Variants in CLEC3A observed in about 807,000 individuals in gnomAD.
CLEC3A encodes the protein C-type (calcium dependent, carbohydrate-recognition domain) lectin, superfamily member 1 (cartilage-derived).
Under a neutral mutation model 20.4 loss-of-function variants are expected in CLEC3A, and 28 were observed. That is an observed-to-expected ratio of 1.37 (90% CI 1.02 to 1.88). The LOEUF is 1.88. Among genes scored for constraint, CLEC3A ranks in the 40% most tolerant of loss-of-function variants. CLEC3A has a pLI of 0.00. For missense variants in CLEC3A, 357 were observed against 240.4 expected (o/e 1.48, Z -3.21); for synonymous variants, 110 against 88.1 (o/e 1.25, Z -1.39).
chr16:78,023,070 A>T (rs1439151596), intron 1 of CLEC3A, among the ~76,000 whole-genome samples: 1 of 152,252 alleles, frequency 6.6e-6, no homozygotes, highest in Non-Finnish European at 1.5e-5. Context: ...ATCTGGTGTT[A>T]TTAATATGGG....
intron 2 of CLEC3A, among the ~76,000 whole-genome samples, chr16:78,030,125 C>T (rs958425479): frequency 2.9e-5 from 4 of 136,386 alleles, no homozygotes; most frequent in African/African-American, 1.1e-4. Flanking sequence ...TGCACTCCAG[C>T]CTGGGCGACA....
chr16:78,022,739 G>C lies in CLEC3A; in HGVS notation c.113G>C (p.Arg38Thr), dbSNP rs1288217734. 6.2e-7 allele frequency: 1 copy of C among 1,614,032 alleles called. No homozygotes were observed. Among genetic ancestry groups the C allele is most frequent in the Non-Finnish European group, 8.5e-7 (1 of 1,180,020 alleles). Residue 38 changes from arginine to threonine, a missense_variant and splice_region_variant, in exon 1 of 3, where the codon AGA becomes ACA. Coordinates refer to ENST00000299642, the MANE Select transcript of CLEC3A (RefSeq NM_005752.6). Reference protein sequence around the residue: ...KARKHSKRRVRDKDGDLKTQI... With the variant: ...KARKHSKRRVTDKDGDLKTQI... ...AGGAAGCACAGCAAACGTCGAGTGA[G>C]AGGTAATGGGGCTTCTCAATCAAGC...
intron 2 of CLEC3A, among the ~76,000 whole-genome samples, chr16:78,030,183 T>A (rs1452637870): frequency 6.6e-6 from 1 of 150,754 alleles, no homozygotes; most frequent in Non-Finnish European, 1.5e-5. Flanking sequence ...GCTAAGGTGT[T>A]ACAAGTAACA....
Position 78,030,708 on chromosome 16 carries a change from G to T in CLEC3A, c.461G>T (p.Trp154Leu). ...GGAATCGCTATCTCCTTCCTCAACT[G>T]GGACCGTGCACAGCCTAACGGTGGC... ...VNGIAISFLN[W>L]DRAQPNGGKR... The change falls in exon 3 of 3, where the codon TGG becomes TTG. Residue 154 changes from tryptophan (W) to leucine (L), a missense_variant. Trp to Leu is a moderately conservative substitution (Grantham distance 61). Coordinates refer to ENST00000299642, the MANE Select transcript of CLEC3A (RefSeq NM_005752.6). 6.2e-7 allele frequency: 1 copy of T among 1,614,126 alleles called. No homozygotes were observed. The highest frequency in any genetic ancestry group is 8.5e-7 in the Non-Finnish European group (1 of 1,180,020).
intron 2 of CLEC3A, among the ~76,000 whole-genome samples, 175 bp from the exon 3 acceptor site, chr16:78,030,272 T>C (rs1017719088): frequency 6.6e-6 from 1 of 152,094 alleles, no homozygotes; most frequent in Admixed American, 6.5e-5. Context: ...CAGGATTATG[T>C]AACTTAATTT....
intron 2 of CLEC3A, among the ~76,000 whole-genome samples, chr16:78,028,398 AT>A (rs899854332): frequency 9.9e-5 from 15 of 152,260 alleles, no homozygotes; most frequent in African/African-American, 3.1e-4. Context: ...AGAAATAAAA[AT>A]AAGTAGTTCA....
Position 78,022,591 on chromosome 16 carries a change from G to T in CLEC3A, c.-36G>T, listed in dbSNP as rs758473360. 1 of 1,610,604 alleles carries T rather than the reference G, an allele frequency of 6.2e-7. No individual in the cohort carries two copies. Among genetic ancestry groups the T allele is most frequent in the East Asian group, 2.2e-5 (1 of 44,706 alleles). On this transcript the variant is annotated 5_prime_UTR_variant, in exon 1 of 3. Coordinates refer to ENST00000299642, the MANE Select transcript of CLEC3A (RefSeq NM_005752.6). ...CTCCTTCCATAGCTGCTCTAAGGGG[G>T]CTGGCAACATGGCTCAGCAGGCTTG...
At position 78,028,206 on chromosome 16, in the gene CLEC3A, T is replaced by A; in HGVS notation, c.199+16T>A. 2.6e-6 allele frequency: 4 copies of A among 1,553,668 alleles called. No individual in the cohort carries two copies. The highest frequency in any genetic ancestry group is 1.2e-5 in the South Asian group (1 of 82,520). On this transcript the variant is annotated intron_variant, in intron 2 of 2. Coordinates refer to ENST00000299642, the MANE Select transcript of CLEC3A (RefSeq NM_005752.6). ...CTGCAGACAGGTAAGGTGCAGACCT[T>A]CTCAGTGCCTTGTCCCAAAGGAGAC...
intron 1 of CLEC3A, among the ~76,000 whole-genome samples, chr16:78,024,921 G>A (rs1329875441): frequency 6.6e-6 from 1 of 152,100 alleles, no homozygotes; most frequent in African/African-American, 2.4e-5. Context: ...CTACCCACCA[G>A]GTTCAAACAA....
rs1048519370 is a variant in CLEC3A at position 78,031,713 on chromosome 16, A to C, written c.*872A>C. 1 of 151,834 alleles carries C rather than the reference A, an allele frequency of 6.6e-6. No homozygotes were observed. Among genetic ancestry groups the C allele is most frequent in the Non-Finnish European group, 1.5e-5 (1 of 67,960 alleles). 9.4% of individuals were successfully genotyped at this position (151,834 alleles called of 1,614,324 possible). A position where few individuals can be genotyped will look rare whatever the true frequency, so the allele number is the denominator to read the frequency against. ...TCCTTTTTTACATTTTCGTATACTT[A>C]TTTTTTTTAGCCATCATTATATGTT... On this transcript the variant is annotated 3_prime_UTR_variant, in exon 3 of 3. Transcript: ENST00000299642.
chr16:78,025,635 A>T (rs1252418390), intron 1 of CLEC3A, among the ~76,000 whole-genome samples: 1 of 152,236 alleles, frequency 6.6e-6, no homozygotes, highest in African/African-American at 2.4e-5. Flanking sequence ...GGGGACTCAA[A>T]ATAGCAACCG....
chr16:78,028,236 AAATTTCTGGGTC>A, intron 2 of CLEC3A, 46 bp downstream of exon 2: 1 of 1,409,850 alleles, frequency 7.1e-7, no homozygotes, highest in Non-Finnish European at 9.6e-7. Flanking sequence ...GGAGACAGGA[AAATTTCTGGGTC>A]AATTTCTGGG....
chr16:78,030,549 T>C lies in CLEC3A; in HGVS notation c.302T>C (p.Ile101Thr). ...ANEDCISKGG[I>T]LVIPRNSDEI... is the part of the protein sequence containing the mutation. ...GAAGACTGCATTTCCAAAGGAGGAA[T>C]CCTGGTTATCCCCAGGAACTCCGAC... Residue 101 changes from isoleucine (I) to threonine (T), a missense_variant, in exon 3 of 3, where the codon ATC becomes ACC. Coordinates refer to ENST00000299642, the MANE Select transcript of CLEC3A (RefSeq NM_005752.6). The C allele has an allele frequency of 6.2e-7, 1 of 1,614,170 alleles. No homozygotes were observed. Among genetic ancestry groups the C allele is most frequent in the South Asian group, 1.1e-5 (1 of 91,076 alleles).
chr16:78,030,472 C>T lies in CLEC3A; in HGVS notation c.225C>T (p.His75=), dbSNP rs1026080287. 6.2e-7 allele frequency: 1 copy of T among 1,609,082 alleles called. No homozygotes were observed. Among genetic ancestry groups the T allele is most frequent in the Non-Finnish European group, 8.5e-7 (1 of 1,177,078 alleles). Residue 75 remains histidine, a synonymous_variant, in exon 3 of 3, where the codon CAC becomes CAT. Transcript: ENST00000299642. Reference sequence around the variant, plus strand: ...TCTGTCTCCGAGGCACTAAAGTTCACAAGAAATGCTACCTTGCTTCAGAAG... The same window carrying T: ...TCTGTCTCCGAGGCACTAAAGTTCATAAGAAATGCTACCTTGCTTCAGAAG... The part of the protein sequence containing the change: ...QTVCLRGTKV[H]KKCYLASEGL...
intron 1 of CLEC3A, among the ~76,000 whole-genome samples, 153 bp from the exon 2 acceptor site, chr16:78,027,954 C>A (rs2072662): frequency 3.3e-5 from 5 of 152,074 alleles, no homozygotes; most frequent in Non-Finnish European, 7.4e-5. Context: ...CTTCGCCAGC[C>A]CCAAGTTATT....
At position 78,022,598 on chromosome 16, in the gene CLEC3A, A is replaced by G. The variant is rs752135483; in HGVS notation, c.-29A>G. 15 of 1,612,658 alleles carry G rather than the reference A, an allele frequency of 9.3e-6. No homozygotes were observed. Among genetic ancestry groups the G allele is most frequent in the South Asian group, 2.2e-5 (2 of 90,818 alleles). On this transcript the variant is annotated 5_prime_UTR_variant, in exon 1 of 3. Coordinates refer to ENST00000299642, the MANE Select transcript of CLEC3A (RefSeq NM_005752.6). ...CATAGCTGCTCTAAGGGGGCTGGCAACATGGCTCAGCAGGCTTGCCCCAGA... is the reference window on the plus strand; with the variant it reads ...CATAGCTGCTCTAAGGGGGCTGGCAGCATGGCTCAGCAGGCTTGCCCCAGA...
Position 78,030,733 on chromosome 16 carries a change from C to G in CLEC3A, c.486C>G (p.Gly162=), listed in dbSNP as rs2030073510. The change falls in exon 3 of 3, where the codon GGC becomes GGG. Residue 162 remains glycine, a synonymous_variant. Coordinates refer to ENST00000299642, the MANE Select transcript of CLEC3A (RefSeq NM_005752.6). ...LNWDRAQPNG[G]KRENCVLFSQ... Reference sequence around the variant, plus strand: ...GGGACCGTGCACAGCCTAACGGTGGCAAGCGAGAAAACTGTGTCCTGTTCT... The same window carrying G: ...GGGACCGTGCACAGCCTAACGGTGGGAAGCGAGAAAACTGTGTCCTGTTCT... 1.2e-6 allele frequency: 2 copies of G among 1,614,110 alleles called. No homozygotes were observed. Among genetic ancestry groups the G allele is most frequent in the Non-Finnish European group, 1.7e-6 (2 of 1,180,018 alleles).
chr16:78,030,192 C>T (rs112462819), intron 2 of CLEC3A, among the ~76,000 whole-genome samples: 4 of 144,762 alleles, frequency 2.8e-5, no homozygotes, highest in Non-Finnish European at 4.5e-5. Flanking sequence ...TTACAAGTAA[C>T]AACTTCTCTA....
chr16:78,029,722 A>C (rs1226381555), intron 2 of CLEC3A, among the ~76,000 whole-genome samples: 1 of 152,084 alleles, frequency 6.6e-6, no homozygotes, highest in Non-Finnish European at 1.5e-5. Context: ...ATCTAGTTCC[A>C]AAACTCCCAA....
Sources: allele counts gnomAD v4.1 joint callset (sites outside exome capture counted in the v4.1 genomes callset), GRCh38; gene constraint gnomAD v4.1.1; transcripts MANE v1.5; gene names NCBI Gene and HGNC (gene_info 2026-07-23, HGNC 2026-07-21).